The following RTF2 variants were observed in gnomAD, a reference collection of about 807,000 sequenced individuals.
RTF2 encodes replication termination factor 2.
Under a neutral mutation model 38.0 loss-of-function variants are expected in RTF2, and 18 were observed. The ratio of observed to expected loss-of-function variants is 0.47; its 90% confidence interval spans 0.33 to 0.70. The LOEUF is 0.70. Ranked by LOEUF, RTF2 falls within the 30% of genes least tolerant of loss-of-function variation. The pLI is 0.02. For missense variants in RTF2, 311 were observed against 379.6 expected (o/e 0.82, Z 1.50); for synonymous variants, 126 against 137.1 (o/e 0.92, Z 0.57).
chr20:56,468,636 G>A lies in RTF2; in HGVS notation c.-62G>A. ...TGCGCCGGAAGTGGCTGCGGATTTC[G>A]CCGGAAATCCCGGAAGTGACAGCTT... On this transcript the variant is annotated 5_prime_UTR_variant, in exon 1 of 9. Coordinates refer to ENST00000357348, the MANE Select transcript of RTF2 (RefSeq NM_016407.5). 6.8e-7 allele frequency: 1 copy of A among 1,470,496 alleles called. No homozygotes were observed. Among genetic ancestry groups the A allele is most frequent in the Non-Finnish European group, 9.3e-7 (1 of 1,074,908 alleles). The allele number at this position is 1,470,496 out of a possible 1,614,324, so 91.1% of individuals were successfully genotyped here. A position where few individuals can be genotyped will look rare whatever the true frequency, so the allele number is the denominator to read the frequency against.
chr20:56,479,759 T>A (rs1982433435), intron 4 of RTF2, among the ~76,000 whole-genome samples: 1 of 152,038 alleles, frequency 6.6e-6, no homozygotes, highest in Non-Finnish European at 1.5e-5. Flanking sequence ...TACATCTCCA[T>A]CAGAGCTCTT....
intron 5 of RTF2, among the ~76,000 whole-genome samples, chr20:56,509,611 CAAAAAA>C (rs567362731): frequency 9.4e-6 from 1 of 106,028 alleles, no homozygotes; most frequent in African/African-American, 3.6e-5. Flanking sequence ...GATCCCATCT[CAAAAAA>C]AAAAAAAAAA....
chr20:56,491,697 C>T (rs563417392), intron 5 of RTF2: 32 of 1,552,062 alleles, frequency 2.1e-5, no homozygotes, highest in African/African-American at 1.5e-4. Flanking sequence ...GTCGAGGGTT[C>T]GAATTTGTTG....
At chr20:56,499,049 A>G (rs1318730089) in intron 5 of RTF2, among the ~76,000 whole-genome samples, 2 of 152,180 alleles carry the variant, frequency 1.3e-5, no homozygotes, top group Non-Finnish European at 2.9e-5. Context: ...ATTTCTACCC[A>G]TCATGCTTCC....
At chr20:56,510,832 CAGGAGGATGAGGT>C (rs980925916) in intron 5 of RTF2, among the ~76,000 whole-genome samples, 4 of 152,222 alleles carry the variant, frequency 2.6e-5, no homozygotes, top group African/African-American at 7.2e-5. Flanking sequence ...CCTAGCTACT[CAGGAGGATGAGGT>C]AGGAGGATGA....
chr20:56,490,876 C>T (rs1983082422), intron 5 of RTF2, among the ~76,000 whole-genome samples: 1 of 152,144 alleles, frequency 6.6e-6, no homozygotes, highest in Non-Finnish European at 1.5e-5. Context: ...AATAAAGATT[C>T]ACTTTTGTAG....
intron 5 of RTF2, among the ~76,000 whole-genome samples, chr20:56,508,471 C>T (rs375069183): frequency 2.0e-5 from 3 of 152,274 alleles, no homozygotes; most frequent in African/African-American, 7.2e-5. Context: ...TTTTCAAAGG[C>T]AGTGTCTTAT....
At chr20:56,508,488 A>G (rs1468728651) in intron 5 of RTF2, among the ~76,000 whole-genome samples, 1 of 152,146 alleles carries the variant, frequency 6.6e-6, no homozygotes, top group Non-Finnish European at 1.5e-5. Flanking sequence ...TTATGGAGTA[A>G]CTAAATATTT....
chr20:56,491,857 A>G (rs1452739982), intron 5 of RTF2: 19 of 1,118,862 alleles, frequency 1.7e-5, no homozygotes, highest in Non-Finnish European at 2.6e-6. Flanking sequence ...AAAGTGGCGC[A>G]TGCTCCGTCC....
At chr20:56,492,960 G>A (rs766121803) in intron 5 of RTF2, among the ~76,000 whole-genome samples, 13 of 151,792 alleles carry the variant, frequency 8.6e-5, no homozygotes, top group Non-Finnish European at 1.9e-4. Flanking sequence ...GGTGGATCAC[G>A]AGGGCAGGAG....
At chr20:56,499,796 G>T (rs533669876) in intron 5 of RTF2, among the ~76,000 whole-genome samples, 1 of 151,878 alleles carries the variant, frequency 6.6e-6, no homozygotes, top group Non-Finnish European at 1.5e-5. Flanking sequence ...GAGTGAAGTG[G>T]CGCAGTCTCA....
At chr20:56,510,000 A>AAC (rs1568710459) in intron 5 of RTF2, among the ~76,000 whole-genome samples, 1 of 151,864 alleles carries the variant, frequency 6.6e-6, no homozygotes, top group African/African-American at 2.4e-5. Flanking sequence ...AAAAAAAAAA[A>AAC]CATGTATATT....
At chr20:56,495,802 C>A (rs1393376798) in intron 5 of RTF2, among the ~76,000 whole-genome samples, 4 of 152,158 alleles carry the variant, frequency 2.6e-5, no homozygotes, top group Non-Finnish European at 5.9e-5. Flanking sequence ...AGCCACACTC[C>A]CTATAGAAGC....
chr20:56,476,236 A>G (rs368474899), intron 3 of RTF2, among the ~76,000 whole-genome samples: 6 of 152,252 alleles, frequency 3.9e-5, no homozygotes, highest in South Asian at 2.1e-4. Context: ...TGTCTATTCA[A>G]TGATTTTATA....
At chr20:56,502,584 TA>T (rs1983992920) in intron 5 of RTF2, among the ~76,000 whole-genome samples, 1 of 152,244 alleles carries the variant, frequency 6.6e-6, no homozygotes, top group African/African-American at 2.4e-5. Context: ...TTGCATTTTT[TA>T]TATGTATATA....
At chr20:56,482,674 A>G (rs1274764116) in intron 4 of RTF2, among the ~76,000 whole-genome samples, 1 of 152,242 alleles carries the variant, frequency 6.6e-6, no homozygotes. Flanking sequence ...TCTAAACAAC[A>G]TTCAGTGAAT....
chr20:56,468,732 A>C lies in RTF2; in HGVS notation c.35A>C (p.His12Pro). ...GCDGGTIPKR[H>P]ELVKGPKKVE... ...GACGGGGGAACAATCCCCAAGAGGCATGAACTGGTGAAGGGGCCGAAGAAG... is the reference window on the plus strand; with the variant it reads ...GACGGGGGAACAATCCCCAAGAGGCCTGAACTGGTGAAGGGGCCGAAGAAG... Residue 12 changes from histidine (H) to proline (P), a missense_variant, in exon 1 of 9, where the codon CAT becomes CCT. Coordinates refer to ENST00000357348, the MANE Select transcript of RTF2 (RefSeq NM_016407.5). 6.3e-7 allele frequency: 1 copy of C among 1,590,966 alleles called. No individual in the cohort carries two copies.
rs983687993 is a variant in RTF2 at position 56,472,398 on chromosome 20, T to G, written c.70-903T>G. 1.8e-5 allele frequency: 27 copies of G among 1,538,640 alleles called. 1 individual carries two copies. The Admixed American group carries it at 3.5e-4, about 20-fold the overall frequency. On this transcript the variant is annotated intron_variant, in intron 1 of 8. Coordinates refer to ENST00000357348, the MANE Select transcript of RTF2 (RefSeq NM_016407.5). Reference sequence around the variant, plus strand: ...AGGAAAAAACAAGAACGGGAAGGAGTGGGACATGGAATATGATGTATGTGA... The same window carrying G: ...AGGAAAAAACAAGAACGGGAAGGAGGGGGACATGGAATATGATGTATGTGA...
chr20:56,519,164 C>T lies in RTF2; in HGVS notation c.*899C>T, dbSNP rs1014761400. On this transcript the variant is annotated 3_prime_UTR_variant, in exon 9 of 9. Transcript: ENST00000357348. ...TGGCTTTCTGCACACGGTGGTATGA[C>T]TGAGATAGTGACTGGTTCTCTATAC... is the stretch of plus-strand genomic sequence containing the variant. 1 of 152,212 alleles carries T rather than the reference C, an allele frequency of 6.6e-6. No homozygotes were observed. The highest frequency in any genetic ancestry group is 1.5e-5 in the Non-Finnish European group (1 of 68,064). The allele number at this position is 152,212 out of a possible 1,614,324, so 9.4% of individuals were successfully genotyped here. A position where few individuals can be genotyped will look rare whatever the true frequency, so the allele number is the denominator to read the frequency against.
Sources: allele counts gnomAD v4.1 joint callset (sites outside exome capture counted in the v4.1 genomes callset), GRCh38; gene constraint gnomAD v4.1.1; transcripts MANE v1.5; gene names NCBI Gene and HGNC (gene_info 2026-07-23, HGNC 2026-07-21).